The following R3HDM1 variants were observed in gnomAD, a reference collection of about 807,000 sequenced individuals.
R3HDM1 encodes the protein R3H domain containing 1.
A neutral mutation model predicts 141.1 loss-of-function variants in R3HDM1; 46 were observed. The observed-to-expected ratio is 0.33, with a 90% CI of 0.26 to 0.42. The LOEUF (loss-of-function observed/expected upper bound fraction) is 0.42, where lower values mean the gene tolerates loss of function less well. Among genes scored for constraint, R3HDM1 ranks in the 10% least tolerant of loss-of-function variants. R3HDM1 has a pLI of 1.00. For missense variants in R3HDM1, 1,184 were observed against 1,368.3 expected, an observed-to-expected ratio of 0.87 and a Z score of 2.12; for synonymous variants, 435 against 472.9, an observed-to-expected ratio of 0.92 and a Z score of 1.04.
chr2:135,548,168 A>G (rs1012141640), intron 1 of R3HDM1, among the ~76,000 whole-genome samples: 2 of 152,304 alleles, frequency 1.3e-5, no homozygotes, highest in Non-Finnish European at 2.9e-5. Flanking sequence ...AGTGTCTTCT[A>G]ACATCTAGAT....
At chr2:135,565,726 G>A (rs1293230248) in intron 1 of R3HDM1, 1 of 145,392 alleles carries the variant, frequency 6.9e-6, no homozygotes, top group African/African-American at 2.5e-5. Flanking sequence ...TTTTTTTCTT[G>A]TTTTTTGCAG....
At chr2:135,560,294 A>T (rs1023358926) in intron 1 of R3HDM1, among the ~76,000 whole-genome samples, 4 of 152,208 alleles carry the variant, frequency 2.6e-5, no homozygotes, top group Admixed American at 1.3e-4. Flanking sequence ...TAACTCAAAC[A>T]TGAAGCATTT....
chr2:135,619,385 G>A (rs1303823999), intron 5 of R3HDM1, among the ~76,000 whole-genome samples: 1 of 152,150 alleles, frequency 6.6e-6, no homozygotes, highest in African/African-American at 2.4e-5. Flanking sequence ...AGGAATATAT[G>A]TTGTGTATTG....
intron 1 of R3HDM1, among the ~76,000 whole-genome samples, chr2:135,568,500 C>T (rs1400811052): frequency 6.6e-6 from 1 of 151,962 alleles, no homozygotes; most frequent in African/African-American, 2.4e-5. Context: ...CAGTGTCCGT[C>T]ACTACACCCG....
At position 135,646,137 on chromosome 2, in the gene R3HDM1, C is replaced by CTT. The variant is rs200777494; in HGVS notation, c.1623+625_1623+626dup. Among the ~76,000 whole-genome samples, 236 of 139,618 alleles carry CTT rather than the reference C, an allele frequency of 1.7e-3. 4 individuals carry two copies. Among genetic ancestry groups the CTT allele is most frequent in the African/African-American group, 4.4e-3 (165 of 37,836 alleles). The allele number at this position is 139,618 out of a possible 152,430, so 91.6% of individuals were successfully genotyped here. ...GTATGAACTCCTATTTTTATTCTAA[C>CTT]TTTTTTTTTTTTTTTTGAGATGGAG... On this transcript the variant is annotated intron_variant, in intron 16 of 26. Transcript: ENST00000683871.
intron 3 of R3HDM1, among the ~76,000 whole-genome samples, chr2:135,615,064 TA>T (rs1395392904): frequency 6.6e-6 from 1 of 152,158 alleles, no homozygotes; most frequent in Non-Finnish European, 1.5e-5. Flanking sequence ...ATTTTTCTTT[TA>T]TTTTTTCTAT....
At chr2:135,707,822 T>C (rs2075129042) in intron 21 of R3HDM1, among the ~76,000 whole-genome samples, 1 of 152,188 alleles carries the variant, frequency 6.6e-6, no homozygotes, top group African/African-American at 2.4e-5. Flanking sequence ...TAACATAAAT[T>C]TCAGAAAGTA....
chr2:135,587,800 T>C (rs1240447032), intron 1 of R3HDM1, among the ~76,000 whole-genome samples: 1 of 152,156 alleles, frequency 6.6e-6, no homozygotes, highest in Non-Finnish European at 1.5e-5. Flanking sequence ...TGTTTGTCTG[T>C]GCGTCTCTAT....
chr2:135,662,561 G>C (rs1574828640), intron 19 of R3HDM1, among the ~76,000 whole-genome samples: 1 of 152,284 alleles, frequency 6.6e-6, no homozygotes, highest in East Asian at 1.9e-4. Context: ...TATTGTACAT[G>C]TGACAAATGT....
intron 19 of R3HDM1, chr2:135,669,617 A>C: frequency 1.0e-6 from 1 of 966,842 alleles, no homozygotes; most frequent in Middle Eastern, 5.3e-4. Flanking sequence ...CAAAAAAGTA[A>C]ATTTTAGAAT....
intron 20 of R3HDM1, among the ~76,000 whole-genome samples, chr2:135,677,854 A>G (rs1464878458): frequency 1.3e-5 from 2 of 152,196 alleles, no homozygotes; most frequent in Non-Finnish European, 2.9e-5. Flanking sequence ...GTCAGAGGGC[A>G]TGGGTTTGAA....
At chr2:135,646,007 T>C (rs1036316143) in intron 16 of R3HDM1, among the ~76,000 whole-genome samples, 1 of 152,240 alleles carries the variant, frequency 6.6e-6, no homozygotes, top group Non-Finnish European at 1.5e-5. Context: ...CTCTCAGTAA[T>C]ATTTTGAGTT....
chr2:135,549,894 C>G, intron 1 of R3HDM1: 1 of 812,134 alleles, frequency 1.2e-6, no homozygotes. Flanking sequence ...TGATTTTCAC[C>G]TCATTTAAAT....
chr2:135,721,276 G>A (rs917121452), intron 24 of R3HDM1, among the ~76,000 whole-genome samples: 17 of 152,190 alleles, frequency 1.1e-4, no homozygotes, highest in Admixed American at 4.6e-4. Context: ...CCAGGAGTTT[G>A]AGACCAGCCT....
At chr2:135,618,490 A>G (rs1331221211) in intron 5 of R3HDM1, among the ~76,000 whole-genome samples, 1 of 127,078 alleles carries the variant, frequency 7.9e-6, no homozygotes, top group Non-Finnish European at 1.6e-5. Context: ...TTTTTGATGT[A>G]TCTACATAGG....
chr2:135,723,608 T>C (rs2076907404), intron 26 of R3HDM1, among the ~76,000 whole-genome samples: 1 of 150,658 alleles, frequency 6.6e-6, no homozygotes, highest in South Asian at 2.1e-4. Flanking sequence ...TCCATCCGTC[T>C]CTACTGAAAA....
intron 1 of R3HDM1, among the ~76,000 whole-genome samples, chr2:135,542,019 G>A (rs531348882): frequency 9.9e-5 from 15 of 152,222 alleles, no homozygotes; most frequent in African/African-American, 3.6e-4. Flanking sequence ...ATTTAAACAG[G>A]AAATTTATTT....
chr2:135,548,228 T>C (rs188789859), intron 1 of R3HDM1, among the ~76,000 whole-genome samples: 1 of 152,216 alleles, frequency 6.6e-6, no homozygotes, highest in Non-Finnish European at 1.5e-5. Flanking sequence ...TATTTTGAAA[T>C]TTTCCAAACG....
chr2:135,565,955 T>C (rs945170378), intron 1 of R3HDM1: 13 of 152,148 alleles, frequency 8.5e-5, no homozygotes, highest in East Asian at 1.9e-4. Flanking sequence ...TGAAAGAAAC[T>C]GGTGTATCAA....
Sources: allele counts gnomAD v4.1 joint callset (sites outside exome capture counted in the v4.1 genomes callset), GRCh38; gene constraint gnomAD v4.1.1; transcripts MANE v1.5; gene names NCBI Gene and HGNC (gene_info 2026-07-23, HGNC 2026-07-21).